The following PCNX2 variants were observed in gnomAD, a reference collection of about 807,000 sequenced individuals.
The protein encoded by PCNX2 is pecanex-like protein 2.
In PCNX2, 168 loss-of-function variants were observed where a neutral mutation model predicts 223.8. The observed-to-expected ratio is 0.75, with a 90% CI of 0.66 to 0.85. The LOEUF (loss-of-function observed/expected upper bound fraction) is 0.85, where lower values mean the gene tolerates loss of function less well. Among genes scored for constraint, PCNX2 ranks in the 40% least tolerant of loss-of-function variants. PCNX2 has a pLI of 0.00. For missense variants in PCNX2, 2,507 were observed against 2,675.5 expected (o/e 0.94, Z 1.39); for synonymous variants, 1,006 against 1,052.6 (o/e 0.96, Z 0.86).
At chr1:233,240,593 T>C (rs1212016347) in intron 8 of PCNX2, among the ~76,000 whole-genome samples, 1 of 152,202 alleles carries the variant, frequency 6.6e-6, no homozygotes. Flanking sequence ...GAATCTTTGG[T>C]AAACTAGTTT....
intron 17 of PCNX2, among the ~76,000 whole-genome samples, chr1:233,171,507 A>G (rs1679149708): frequency 6.6e-6 from 1 of 152,142 alleles, no homozygotes; most frequent in South Asian, 2.1e-4. Flanking sequence ...AGTATATCCA[A>G]CAACTGTCTT....
intron 3 of PCNX2, 80 bp from the exon 4 acceptor site, chr1:233,261,401 C>A: frequency 7.6e-7 from 1 of 1,317,940 alleles, no homozygotes; most frequent in Non-Finnish European, 1.1e-6. Context: ...TAACTGACAG[C>A]AGTCACTGAT....
intron 21 of PCNX2, among the ~76,000 whole-genome samples, chr1:233,110,224 A>T (rs771144104): frequency 4.6e-5 from 7 of 152,234 alleles, no homozygotes; most frequent in Non-Finnish European, 1.0e-4. Flanking sequence ...CATATATTCA[A>T]ACTGCTGAAA....
chr1:233,243,052 G>A lies in PCNX2; in HGVS notation c.2223-6072C>T, dbSNP rs185731402. ...GACAGCTATTGTACAACCGGAAAAT[G>A]CTGCTTATGTTTCTGCAGCAGTCCA... On this transcript the variant is annotated intron_variant, in intron 8 of 33. Transcript: ENST00000258229. 1.2e-4 allele frequency among the ~76,000 whole-genome samples: 18 copies of A among 152,316 alleles called. No homozygotes were observed. The East Asian group carries it at 1.9e-3, about 16-fold the overall frequency.
intron 19 of PCNX2, among the ~76,000 whole-genome samples, chr1:233,159,232 A>C (rs577434871): frequency 2.6e-5 from 4 of 152,278 alleles, no homozygotes; most frequent in Non-Finnish European, 4.4e-5. Flanking sequence ...GGCTGTTTCT[A>C]ACTAAGGCGG....
At chr1:233,234,494 T>C (rs1193531396) in intron 9 of PCNX2, among the ~76,000 whole-genome samples, 1 of 152,090 alleles carries the variant, frequency 6.6e-6, no homozygotes. Flanking sequence ...ATGAGTTGAG[T>C]TTTTATGCAT....
At chr1:233,091,086 A>G (rs754787031) in intron 22 of PCNX2, among the ~76,000 whole-genome samples, 1 of 152,256 alleles carries the variant, frequency 6.6e-6, no homozygotes, top group Non-Finnish European at 1.5e-5. Context: ...TGGAAGCACA[A>G]GAGAGAACTG....
At chr1:233,089,740 CA>C (rs1445837133) in intron 23 of PCNX2, 2 of 417,406 alleles carry the variant, frequency 4.8e-6, no homozygotes, top group Admixed American at 5.2e-5. Context: ...CTTGGCATAT[CA>C]AAGGACATTA....
chr1:233,124,608 T>G (rs914088650), intron 21 of PCNX2, among the ~76,000 whole-genome samples: 1 of 152,206 alleles, frequency 6.6e-6, no homozygotes, highest in Non-Finnish European at 1.5e-5. Context: ...CACACTAAGA[T>G]TAATGGCACC....
chr1:232,998,551 G>A, intron 31 of PCNX2, 113 bp from the exon 32 acceptor site: 1 of 1,116,682 alleles, frequency 9.0e-7, no homozygotes. Flanking sequence ...CTCCAGGTGA[G>A]TAGCCCACCT....
At chr1:233,174,021 C>A (rs1409555787) in intron 17 of PCNX2, among the ~76,000 whole-genome samples, 4 of 125,234 alleles carry the variant, frequency 3.2e-5, no homozygotes, top group Non-Finnish European at 7.1e-5. Flanking sequence ...TACTATTTTG[C>A]TTTTCATTTT....
intron 12 of PCNX2, among the ~76,000 whole-genome samples, chr1:233,217,387 A>G (rs1281561171): frequency 6.6e-6 from 1 of 152,204 alleles, no homozygotes; most frequent in Admixed American, 6.5e-5. Flanking sequence ...TTATATCACT[A>G]ATAATAAGAG....
intron 15 of PCNX2, among the ~76,000 whole-genome samples, chr1:233,179,528 A>G (rs1288749044): frequency 1.3e-5 from 2 of 152,202 alleles, no homozygotes; most frequent in South Asian, 2.1e-4. Context: ...GTATTTCTCA[A>G]TGTTTATTAA....
At chr1:233,095,981 C>A in intron 21 of PCNX2, 118 bp from the exon 22 acceptor site, 1 of 675,954 alleles carries the variant, frequency 1.5e-6, no homozygotes, top group Non-Finnish European at 2.6e-6. Context: ...CTACTCTCTG[C>A]CCTCTTACTG....
chr1:233,275,138 G>T (rs1474696718), intron 1 of PCNX2, among the ~76,000 whole-genome samples: 1 of 152,176 alleles, frequency 6.6e-6, no homozygotes, highest in Non-Finnish European at 1.5e-5. Flanking sequence ...GCTAGTGTTA[G>T]AATTTCAAAA....
chr1:233,102,722 G>A lies in PCNX2; in HGVS notation c.3838-6859C>T, dbSNP rs1674555788. ...TTCTAAATTGTTATTAATTTTTTTT[G>A]CTATTTAGTTGTTTGAGTTCCTAAT... On this transcript the variant is annotated intron_variant, in intron 21 of 33. Coordinates refer to ENST00000258229, the MANE Select transcript of PCNX2 (RefSeq NM_014801.4). Among the ~76,000 whole-genome samples, 3 of 151,462 alleles carry A rather than the reference G, an allele frequency of 2.0e-5. No individual in the cohort carries two copies. The South Asian group carries it at 6.2e-4, about 31-fold the overall frequency.
chr1:233,057,994 C>T lies in PCNX2; in HGVS notation c.4077-704G>A. On this transcript the variant is annotated intron_variant, in intron 23 of 33. Coordinates refer to ENST00000258229, the MANE Select transcript of PCNX2 (RefSeq NM_014801.4). Reference sequence around the variant, plus strand: ...GAGTAGTCAACGTCTCCACCACCTGCTTTCAAGAGTGGGGTATACTCTTAT... The same window carrying T: ...GAGTAGTCAACGTCTCCACCACCTGTTTTCAAGAGTGGGGTATACTCTTAT... 3.0e-6 allele frequency: 3 copies of T among 985,398 alleles called. No individual in the cohort carries two copies. In the South Asian group the frequency reaches 1.4e-4, roughly 46 times the overall value. 61.0% of individuals were successfully genotyped at this position (985,398 alleles called of 1,614,324 possible). A position where few individuals can be genotyped will look rare whatever the true frequency, so the allele number is the denominator to read the frequency against.
In PCNX2 at chr1:233,051,354, C is replaced by G. The variant is rs547019989; in HGVS notation, c.4351+2914G>C. ...AATCCCATTACCGGGTATATATACT[C>G]AAATAAAATAAATCGTTATACCAAA... On this transcript the variant is annotated intron_variant, in intron 25 of 33. Coordinates refer to ENST00000258229, the MANE Select transcript of PCNX2 (RefSeq NM_014801.4). 3.9e-5 allele frequency among the ~76,000 whole-genome samples: 6 copies of G among 152,198 alleles called. No homozygotes were observed. The South Asian group carries it at 1.2e-3, about 32-fold the overall frequency.
At chr1:233,241,242 G>T in intron 8 of PCNX2, 1 of 985,428 alleles carries the variant, frequency 1.0e-6, no homozygotes, top group Non-Finnish European at 1.2e-6. Flanking sequence ...AGTGAGGCAA[G>T]GCTGGGAGCA....
Sources: gnomAD v4.1 joint callset for allele counts (sites outside exome capture counted in the v4.1 genomes callset) on GRCh38, gnomAD v4.1.1 for gene constraint, MANE v1.5 for transcripts, NCBI Gene and HGNC (gene_info 2026-07-23, HGNC 2026-07-21) for gene names.